Variants in SRPK2 observed in about 807,000 individuals in gnomAD.
The protein encoded by SRPK2 is SRSF protein kinase 2, also known as SFRS protein kinase 2.
A neutral mutation model predicts 90.8 loss-of-function variants in SRPK2; 21 were observed. The observed-to-expected ratio is 0.23, with a 90% CI of 0.16 to 0.33. The LOEUF (loss-of-function observed/expected upper bound fraction) is 0.33, where lower values mean the gene tolerates loss of function less well. Ranked by LOEUF, SRPK2 falls within the 10% of genes least tolerant of loss-of-function variation. The pLI, the probability that SRPK2 is intolerant of heterozygous loss-of-function variation, is 1.00. For missense variants in SRPK2, 620 were observed against 869.0 expected (o/e 0.71, Z 3.60); for synonymous variants, 288 against 311.1 (o/e 0.93, Z 0.78).
chr7:105,152,023 C>CAA (rs34579509), intron 7 of SRPK2, among the ~76,000 whole-genome samples: 32 of 108,304 alleles, frequency 3.0e-4, no homozygotes, highest in Admixed American at 4.8e-4. Context: ...GGTTCTGTCT[C>CAA]AAAAAAAAAA....
chr7:105,124,149 A>G (rs1450148118), intron 15 of SRPK2, among the ~76,000 whole-genome samples: 2 of 152,176 alleles, frequency 1.3e-5, no homozygotes, highest in Non-Finnish European at 1.5e-5. Context: ...GAAAGGAACC[A>G]TCACAGGAGT....
At chr7:105,179,824 C>CAAAAAAAAAAAAA (rs1185836588) in intron 3 of SRPK2, among the ~76,000 whole-genome samples, 3 of 60,264 alleles carry the variant, frequency 5.0e-5, no homozygotes, top group Admixed American at 2.7e-4. Context: ...GAGTCCATCT[C>CAAAAAAAAAAAAA]AAAAAAAAAA....
intron 2 of SRPK2, among the ~76,000 whole-genome samples, chr7:105,233,076 AAGGAAAGGAAGGAAAGAAGG>A (rs1261538779): frequency 7.3e-6 from 1 of 137,010 alleles, no homozygotes; most frequent in Non-Finnish European, 1.6e-5. Flanking sequence ...GGAAGGAAGG[AAGGAAAGGAAGGAAAGAAGG>A]AAGGAAGGAA....
chr7:105,163,574 C>G (rs1808027351), intron 6 of SRPK2, among the ~76,000 whole-genome samples: 1 of 152,108 alleles, frequency 6.6e-6, no homozygotes, highest in African/African-American at 2.4e-5. Context: ...GCGGGCAGAT[C>G]ACCTGAGGTC....
chr7:105,285,967 A>G (rs1203162198), intron 2 of SRPK2, among the ~76,000 whole-genome samples: 1 of 152,232 alleles, frequency 6.6e-6, no homozygotes, highest in African/African-American at 2.4e-5. Flanking sequence ...TGTATCAGAC[A>G]TGCATCTATT....
intron 2 of SRPK2, among the ~76,000 whole-genome samples, chr7:105,309,300 C>A (rs1263054566): frequency 1.3e-5 from 2 of 151,858 alleles, no homozygotes; most frequent in Non-Finnish European, 2.9e-5. Context: ...ACAATATGTC[C>A]ATTTTTCTTT....
chr7:105,306,537 G>C (rs1036661246), intron 2 of SRPK2: 1 of 449,524 alleles, frequency 2.2e-6, no homozygotes, highest in East Asian at 7.0e-5. Context: ...GCAGTGAGGA[G>C]TCTTCTACCC....
At chr7:105,261,246 G>T (rs141639396) in intron 2 of SRPK2, among the ~76,000 whole-genome samples, 229 of 152,316 alleles carry the variant, frequency 1.5e-3, no homozygotes, top group African/African-American at 5.3e-3. Flanking sequence ...ATCTGGCCGG[G>T]TGTGGTGGCT....
At chr7:105,158,246 T>C (rs964239164) in intron 7 of SRPK2, among the ~76,000 whole-genome samples, 2 of 151,668 alleles carry the variant, frequency 1.3e-5, no homozygotes, top group Non-Finnish European at 2.9e-5. Context: ...GGCTCATCTG[T>C]GAATTCACCT....
intron 14 of SRPK2, among the ~76,000 whole-genome samples, chr7:105,126,680 A>G (rs1351676279): frequency 6.6e-6 from 1 of 152,204 alleles, no homozygotes; most frequent in Admixed American, 6.5e-5. Flanking sequence ...TCAATGGTCA[A>G]AAGGACCACA....
intron 2 of SRPK2, among the ~76,000 whole-genome samples, chr7:105,356,578 A>G (rs1817809228): frequency 6.6e-6 from 1 of 152,194 alleles, no homozygotes; most frequent in Non-Finnish European, 1.5e-5. Flanking sequence ...TAATATAGTG[A>G]GTAATTTAGA....
chr7:105,244,796 G>A (rs534018907), intron 2 of SRPK2: 15 of 967,472 alleles, frequency 1.6e-5, no homozygotes, highest in Admixed American at 1.4e-4. Flanking sequence ...GGAGGCATGT[G>A]GCTTCGCCCC....
intron 7 of SRPK2, among the ~76,000 whole-genome samples, chr7:105,149,064 C>A (rs558925920): frequency 5.3e-5 from 8 of 152,156 alleles, no homozygotes; most frequent in Middle Eastern, 3.4e-3. Context: ...AAGACCTGAC[C>A]GTCCCCCAGC....
intron 11 of SRPK2, among the ~76,000 whole-genome samples, chr7:105,140,343 G>C (rs147058417): frequency 6.6e-6 from 1 of 152,198 alleles, no homozygotes; most frequent in Admixed American, 6.5e-5. Context: ...GCTCAGGCTC[G>C]TAATCCCAGC....
chr7:105,381,459 C>A (rs964039740), intron 2 of SRPK2, among the ~76,000 whole-genome samples: 2 of 151,892 alleles, frequency 1.3e-5, no homozygotes, highest in Non-Finnish European at 2.9e-5. Flanking sequence ...CAGAGCAAGA[C>A]TCCATCTCGA....
chr7:105,308,733 G>C (rs1198001392), intron 2 of SRPK2, among the ~76,000 whole-genome samples: 1 of 152,134 alleles, frequency 6.6e-6, no homozygotes, highest in Non-Finnish European at 1.5e-5. Context: ...TTACCATTTT[G>C]TCTAATTCAA....
intron 2 of SRPK2, among the ~76,000 whole-genome samples, chr7:105,264,013 T>C (rs918730670): frequency 6.6e-6 from 1 of 152,178 alleles, no homozygotes; most frequent in African/African-American, 2.4e-5. Flanking sequence ...AACAAATGTT[T>C]TTCCTAGTCT....
intron 7 of SRPK2, among the ~76,000 whole-genome samples, chr7:105,159,448 CA>C (rs765544583): frequency 0.047 from 1,546 of 33,110 alleles, 14 homozygotes; most frequent in African/African-American, 0.13. Flanking sequence ...ACTCCGTCTC[CA>C]AAAAAAAAAA....
In SRPK2 at chr7:105,191,863, T is replaced by TAA. The variant is rs138140612; in HGVS notation, c.229+11763_229+11764dup. Among the ~76,000 whole-genome samples the TAA allele has an allele frequency of 9.1e-3, 1,344 of 147,668 alleles. 17 individuals are homozygous for TAA. The highest frequency in any genetic ancestry group is 0.012 in the Non-Finnish European group (827 of 67,176). On this transcript the variant is annotated intron_variant, in intron 3 of 15. Coordinates refer to ENST00000393651, the MANE Select transcript of SRPK2 (RefSeq NM_182692.3). The stretch of plus-strand genomic sequence containing the variant: ...TACACTGGTTCTTTTTATCCTTTTG[T>TAA]AAAAAAAAACAAAAAAAACTTTTTT...
Sources: gnomAD v4.1 joint callset for allele counts (sites outside exome capture counted in the v4.1 genomes callset) on GRCh38, gnomAD v4.1.1 for gene constraint, MANE v1.5 for transcripts, NCBI Gene and HGNC (gene_info 2026-07-23, HGNC 2026-07-21) for gene names.